DRGX: variants seen among roughly 807,000 people sequenced by gnomAD.
DRGX encodes the protein dorsal root ganglia homeobox protein.
In DRGX, 21 loss-of-function variants were observed where a neutral mutation model predicts 28.6. The observed-to-expected ratio is 0.73, with a 90% CI of 0.52 to 1.06. The LOEUF is 1.06. DRGX is among the 50% of genes least tolerant of loss of function. The probability of loss-of-function intolerance (pLI) is 0.00; values close to 1 mark genes in which losing one functional copy is unlikely to be tolerated. For synonymous variants in DRGX, 136 were observed against 139.1 expected, an observed-to-expected ratio of 0.98 and a Z score of 0.16; for missense variants, 354 against 343.9, an observed-to-expected ratio of 1.03 and a Z score of -0.23.
intron 3 of DRGX, 48 bp downstream of exon 3, chr10:49,391,116 G>A (rs1488128456): frequency 7.0e-6 from 11 of 1,575,200 alleles, no homozygotes; most frequent in African/African-American, 1.4e-5. Context: ...TTTGATTTGG[G>A]GGAGGTAGGA....
intron 6 of DRGX, among the ~76,000 whole-genome samples, chr10:49,379,862 T>TCTGCGGGGAAGATGGGGCCAGACTCCAG (rs1849755429): frequency 1.3e-5 from 2 of 152,212 alleles, no homozygotes; most frequent in African/African-American, 2.4e-5. Context: ...GTCCAAGGCC[T>TCTGCGGGGAAGATGGGGCCAGACTCCAG]CTGCGGGGAA....
intron 6 of DRGX, among the ~76,000 whole-genome samples, chr10:49,370,442 G>C (rs114314147): frequency 0.035 from 5,340 of 152,260 alleles, 254 homozygotes; most frequent in African/African-American, 0.11. Context: ...CAGCCCAACA[G>C]GTGCCGTCGC....
At chr10:49,388,334 C>G (rs1476251612) in intron 4 of DRGX, among the ~76,000 whole-genome samples, 1 of 152,198 alleles carries the variant, frequency 6.6e-6, no homozygotes, top group East Asian at 1.9e-4. Context: ...CCTTCAATTC[C>G]CCAGGGCATC....
intron 2 of DRGX, among the ~76,000 whole-genome samples, chr10:49,394,051 C>T (rs913078620): frequency 2.0e-5 from 3 of 152,222 alleles, no homozygotes; most frequent in African/African-American, 7.2e-5. Context: ...GCACCCTTAA[C>T]ATACAGAAAG....
At chr10:49,385,557 A>C (rs1334394549) in intron 6 of DRGX, among the ~76,000 whole-genome samples, 1 of 152,128 alleles carries the variant, frequency 6.6e-6, no homozygotes, top group Non-Finnish European at 1.5e-5. Context: ...CCACCTTTGC[A>C]ACACAGATTG....
rs573914966 is a variant in DRGX at position 49,391,456 on chromosome 10, G to A, written c.35-195C>T. Among the ~76,000 whole-genome samples, 341 of 152,224 alleles carry A rather than the reference G, an allele frequency of 2.2e-3. 2 individuals carry two copies. Among genetic ancestry groups the A allele is most frequent in the Middle Eastern group, 6.8e-3 (2 of 294 alleles). Reference sequence around the variant, plus strand: ...CCCAAAACCTCTGACTTTAAATCCAGGTATCCCTATTACATAGGGCGAGTG... The same window carrying A: ...CCCAAAACCTCTGACTTTAAATCCAAGTATCCCTATTACATAGGGCGAGTG... On this transcript the variant is annotated intron_variant, in intron 2 of 6. Coordinates refer to ENST00000374139, the MANE Select transcript of DRGX (RefSeq NM_001276451.2).
chr10:49,374,269 C>T (rs902743454), intron 6 of DRGX, among the ~76,000 whole-genome samples: 35 of 152,196 alleles, frequency 2.3e-4, no homozygotes, highest in African/African-American at 7.2e-4. Context: ...CCAGTGAAGA[C>T]TCCAAGATGA....
At chr10:49,385,324 C>T (rs546747343) in intron 6 of DRGX, among the ~76,000 whole-genome samples, 77 of 152,196 alleles carry the variant, frequency 5.1e-4, no homozygotes, top group Non-Finnish European at 9.7e-4. Flanking sequence ...GGCTCCACCT[C>T]TTGCAGTGGA....
At chr10:49,367,397 G>C (rs1272617350) in intron 6 of DRGX, among the ~76,000 whole-genome samples, 1 of 151,962 alleles carries the variant, frequency 6.6e-6, no homozygotes, top group African/African-American at 2.4e-5. Context: ...AAAAGAAAAA[G>C]AAAAGAAAAG....
chr10:49,388,673 A>G (rs544855625), intron 4 of DRGX, among the ~76,000 whole-genome samples: 1 of 152,232 alleles, frequency 6.6e-6, no homozygotes, highest in East Asian at 1.9e-4. Flanking sequence ...TTGCACTGAC[A>G]GTTCGCCTGC....
rs1849578563 is a variant in DRGX at position 49,364,549 on chromosome 10, C to T, written c.*1567G>A. The T allele has an allele frequency of 6.6e-6, 1 of 152,182 alleles. No individual in the cohort carries two copies. Among genetic ancestry groups the T allele is most frequent in the African/African-American group, 2.4e-5 (1 of 41,422 alleles). 9.4% of individuals were successfully genotyped at this position (152,182 alleles called of 1,614,324 possible). ...GAGTTAGTGTACATAAGGGCTTGAG[C>T]TTACATCCTTCAACCAAACATTCGT... On this transcript the variant is annotated 3_prime_UTR_variant, in exon 7 of 7. Transcript: ENST00000374139.
At chr10:49,374,559 A>G (rs950239389) in intron 6 of DRGX, among the ~76,000 whole-genome samples, 2 of 152,206 alleles carry the variant, frequency 1.3e-5, no homozygotes, top group African/African-American at 4.8e-5. Flanking sequence ...ACACTAAATT[A>G]AAACACACAA....
rs1286813139 is a variant in DRGX at position 49,364,139 on chromosome 10, C to T, written c.*1977G>A. The T allele has an allele frequency of 6.6e-6, 1 of 152,120 alleles. No individual in the cohort carries two copies. The highest frequency in any genetic ancestry group is 1.5e-5 in the Non-Finnish European group (1 of 67,992). The allele number at this position is 152,120 out of a possible 1,614,324, so 9.4% of individuals were successfully genotyped here. A position where few individuals can be genotyped will look rare whatever the true frequency, so the allele number is the denominator to read the frequency against. Reference sequence around the variant, plus strand: ...CTACATCATGCATCATTACTTTTTGCCTTTGTACAACAAAACAAAGTACTC... The same window carrying T: ...CTACATCATGCATCATTACTTTTTGTCTTTGTACAACAAAACAAAGTACTC... On this transcript the variant is annotated 3_prime_UTR_variant, in exon 7 of 7. Transcript: ENST00000374139.
chr10:49,395,603 C>G, intron 1 of DRGX, 82 bp from the exon 2 acceptor site: 1 of 818,870 alleles, frequency 1.2e-6, no homozygotes, highest in South Asian at 1.6e-5. Flanking sequence ...CGGCGCTCCC[C>G]TCCTGGAAAG....
chr10:49,383,208 AC>A (rs1246154460), intron 6 of DRGX, among the ~76,000 whole-genome samples: 2 of 152,028 alleles, frequency 1.3e-5, no homozygotes, highest in Non-Finnish European at 2.9e-5. Flanking sequence ...ACAACTACAG[AC>A]CCCCTCTTGC....
At chr10:49,390,335 C>T (rs2042973822) in intron 3 of DRGX, 101 bp from the exon 4 acceptor site, 1 of 1,005,430 alleles carries the variant, frequency 9.9e-7, no homozygotes, top group Non-Finnish European at 1.5e-6. Context: ...GAAGCAGTTT[C>T]ACAGATTAAA....
At chr10:49,395,317 G>A (rs1849955214) in intron 2 of DRGX, 90 bp downstream of exon 2, 3 of 1,496,982 alleles carry the variant, frequency 2.0e-6, no homozygotes, top group Admixed American at 4.0e-5. Flanking sequence ...GCAGGGCGGG[G>A]ACCCAGCCAC....
At chr10:49,368,464 G>A (rs902809304) in intron 6 of DRGX, among the ~76,000 whole-genome samples, 2 of 152,246 alleles carry the variant, frequency 1.3e-5, no homozygotes, top group African/African-American at 2.4e-5. Flanking sequence ...GTCAAACCCC[G>A]AGGCCTGGCT....
intron 4 of DRGX, among the ~76,000 whole-genome samples, chr10:49,387,952 C>T (rs1013527748): frequency 3.9e-5 from 6 of 152,184 alleles, no homozygotes; most frequent in Non-Finnish European, 8.8e-5. Context: ...ATAACTGTGG[C>T]CACCCCATAA....
Sources: allele counts gnomAD v4.1 joint callset (sites outside exome capture counted in the v4.1 genomes callset), GRCh38; gene constraint gnomAD v4.1.1; transcripts MANE v1.5; gene names NCBI Gene and HGNC (gene_info 2026-07-23, HGNC 2026-07-21).